Variants in DACH1 observed in about 807,000 individuals in gnomAD.
The protein encoded by DACH1 is dachshund family transcription factor 1.
A neutral mutation model predicts 54.2 loss-of-function variants in DACH1; 12 were observed. The observed-to-expected ratio is 0.22, with a 90% CI of 0.14 to 0.36. The LOEUF (loss-of-function observed/expected upper bound fraction) is 0.36, where lower values mean the gene tolerates loss of function less well. Ranked by LOEUF, DACH1 falls within the 10% of genes least tolerant of loss-of-function variation. The pLI, the probability that DACH1 is intolerant of heterozygous loss-of-function variation, is 1.00. For synonymous variants in DACH1, 386 were observed against 366.2 expected (o/e 1.05, Z -0.62); for missense variants, 805 against 929.8 (o/e 0.87, Z 1.75).
intron 6 of DACH1, among the ~76,000 whole-genome samples, chr13:71,498,672 C>T (rs940923702): frequency 7.2e-6 from 1 of 138,752 alleles, no homozygotes; most frequent in African/African-American, 2.7e-5. Flanking sequence ...AAAAAAAAAA[C>T]CACCATGGCA....
At chr13:71,552,840 TATAGAG>T (rs1566335735) in intron 6 of DACH1, among the ~76,000 whole-genome samples, 6 of 16,858 alleles carry the variant, frequency 3.6e-4, no homozygotes, top group Non-Finnish European at 4.2e-4. Flanking sequence ...TATATATATA[TATAGAG>T]AGAGAGAGAG....
intron 4 of DACH1, among the ~76,000 whole-genome samples, chr13:71,569,322 G>T (rs1885066357): frequency 1.3e-5 from 2 of 152,038 alleles, no homozygotes; most frequent in Admixed American, 1.3e-4. Flanking sequence ...CAAACAGCAA[G>T]TATTTTAGTC....
At chr13:71,841,818 T>C (rs1872872897) in intron 1 of DACH1, among the ~76,000 whole-genome samples, 1 of 152,222 alleles carries the variant, frequency 6.6e-6, no homozygotes, top group Non-Finnish European at 1.5e-5. Flanking sequence ...TTCCTAGGTA[T>C]GACCTGGAAA....
chr13:71,826,520 T>C (rs922894573), intron 1 of DACH1, among the ~76,000 whole-genome samples: 2 of 152,030 alleles, frequency 1.3e-5, no homozygotes, highest in Non-Finnish European at 2.9e-5. Flanking sequence ...AACCTGTCTC[T>C]TCTCCCATTC....
chr13:71,493,589 T>G (rs545879791), intron 6 of DACH1, among the ~76,000 whole-genome samples: 1 of 152,246 alleles, frequency 6.6e-6, no homozygotes, highest in East Asian at 1.9e-4. Flanking sequence ...GCAAATATAA[T>G]AAAAATAACT....
chr13:71,664,981 A>T (rs1413248534), intron 2 of DACH1, among the ~76,000 whole-genome samples: 2 of 152,026 alleles, frequency 1.3e-5, no homozygotes, highest in East Asian at 3.9e-4. Context: ...CAAATAAATA[A>T]TAACACAGAG....
chr13:71,812,594 C>T (rs2138154791), intron 1 of DACH1, among the ~76,000 whole-genome samples: 1 of 151,034 alleles, frequency 6.6e-6, no homozygotes, highest in Non-Finnish European at 1.5e-5. Context: ...CAAAATAGTA[C>T]CAACAGGAAA....
At chr13:71,476,264 T>C (rs1320319872) in intron 8 of DACH1, among the ~76,000 whole-genome samples, 1 of 152,166 alleles carries the variant, frequency 6.6e-6, no homozygotes, top group Non-Finnish European at 1.5e-5. Context: ...TCCTATTTCC[T>C]CATAGGGCAT....
intron 2 of DACH1, among the ~76,000 whole-genome samples, chr13:71,645,061 GA>G (rs1442885918): frequency 6.6e-6 from 1 of 152,162 alleles, no homozygotes; most frequent in Non-Finnish European, 1.5e-5. Context: ...CTAGATACCA[GA>G]ATCCAAAGCA....
intron 2 of DACH1, chr13:71,675,328 G>A (rs2138687302): frequency 6.3e-7 from 1 of 1,592,154 alleles, no homozygotes; most frequent in Non-Finnish European, 8.6e-7. Flanking sequence ...CCAGAGCGCA[G>A]CTATCGGTGC....
intron 1 of DACH1, among the ~76,000 whole-genome samples, chr13:71,759,513 G>A (rs947251051): frequency 1.4e-4 from 21 of 151,976 alleles, no homozygotes; most frequent in African/African-American, 5.1e-4. Context: ...TATCTTCATG[G>A]TTCTTGCATA....
chr13:71,546,591 C>A (rs1883481639), intron 6 of DACH1, among the ~76,000 whole-genome samples: 1 of 151,822 alleles, frequency 6.6e-6, no homozygotes, highest in South Asian at 2.1e-4. Flanking sequence ...TTAGGTAGAG[C>A]TATATGCAAT....
intron 1 of DACH1, among the ~76,000 whole-genome samples, chr13:71,779,216 TACGTATATACGTATATATAC>T (rs1445253606): frequency 0.041 from 3,979 of 98,236 alleles, 181 homozygotes; most frequent in African/African-American, 0.12. Flanking sequence ...TGTATATATA[TACGTATATACGTATATATAC>T]ACATATATAC....
chr13:71,465,369 T>C (rs1205717293), intron 10 of DACH1, among the ~76,000 whole-genome samples: 1 of 152,084 alleles, frequency 6.6e-6, no homozygotes, highest in Non-Finnish European at 1.5e-5. Context: ...TCTTGAAGTA[T>C]AACATTTCTC....
At chr13:71,799,375 C>T (rs1318467311) in intron 1 of DACH1, among the ~76,000 whole-genome samples, 1 of 152,050 alleles carries the variant, frequency 6.6e-6, no homozygotes, top group African/African-American at 2.4e-5. Context: ...CTTCAATTTA[C>T]GTTTTACATA....
chr13:71,464,840 G>A (rs1876423588), intron 10 of DACH1: 3 of 382,780 alleles, frequency 7.8e-6, no homozygotes, highest in South Asian at 5.9e-5. Context: ...AGTATCAAGA[G>A]AAATTTCTGA....
At chr13:71,708,343 C>G (rs1224776856) in intron 1 of DACH1, among the ~76,000 whole-genome samples, 1 of 152,062 alleles carries the variant, frequency 6.6e-6, no homozygotes, top group East Asian at 1.9e-4. Context: ...TTAATTCCTT[C>G]AAAATAGGAA....
At chr13:71,635,531 A>G (rs1877421405) in intron 2 of DACH1, among the ~76,000 whole-genome samples, 1 of 152,208 alleles carries the variant, frequency 6.6e-6, no homozygotes, top group Admixed American at 6.5e-5. Flanking sequence ...TTCACAAAAT[A>G]ACTTAAGTCT....
intron 6 of DACH1, among the ~76,000 whole-genome samples, chr13:71,554,719 C>G (rs1378615419): frequency 6.6e-6 from 1 of 152,072 alleles, no homozygotes; most frequent in East Asian, 1.9e-4. Flanking sequence ...GTAGTACATT[C>G]TAGTAGTGGA....
Sources: allele counts gnomAD v4.1 joint callset (sites outside exome capture counted in the v4.1 genomes callset), GRCh38; gene constraint gnomAD v4.1.1; transcripts MANE v1.5; gene names NCBI Gene and HGNC (gene_info 2026-07-23, HGNC 2026-07-21).